The following AMMECR1L variants were observed in gnomAD, a reference collection of about 807,000 sequenced individuals.
AMMECR1L encodes the protein AMMECR1 like.
Under a neutral mutation model 36.8 loss-of-function variants are expected in AMMECR1L, and 4 were observed. That is an observed-to-expected ratio of 0.11 (90% confidence interval 0.05 to 0.25). The LOEUF is 0.25. Among genes scored for constraint, AMMECR1L ranks in the 10% least tolerant of loss-of-function variants. AMMECR1L has a pLI of 1.00. For missense variants in AMMECR1L, 232 were observed against 392.1 expected (o/e 0.59, Z 3.45); for synonymous variants, 147 against 148.0 (o/e 0.99, Z 0.05).
At chr2:127,880,545 T>C (rs1039233222) in intron 2 of AMMECR1L, among the ~76,000 whole-genome samples, 3 of 152,076 alleles carry the variant, frequency 2.0e-5, no homozygotes, top group African/African-American at 7.2e-5. Flanking sequence ...CTCCACCTGA[T>C]GTACACACTC....
intron 2 of AMMECR1L, among the ~76,000 whole-genome samples, chr2:127,876,755 C>T (rs976002385): frequency 3.3e-5 from 5 of 152,094 alleles, no homozygotes; most frequent in African/African-American, 7.2e-5. Context: ...CCCTGGCTCA[C>T]GCCTATGAAC....
chr2:127,882,945 G>C (rs1235765870), intron 2 of AMMECR1L, among the ~76,000 whole-genome samples: 1 of 138,284 alleles, frequency 7.2e-6, no homozygotes, highest in Non-Finnish European at 1.5e-5. Context: ...GTCTTGCTAT[G>C]CTGCCCAGGC....
chr2:127,877,422 G>A (rs113382589), intron 2 of AMMECR1L, among the ~76,000 whole-genome samples: 164 of 150,890 alleles, frequency 1.1e-3, no homozygotes, highest in African/African-American at 3.6e-3. Context: ...TGCAACCTCT[G>A]CCTCCCAGGT....
Position 127,869,376 on chromosome 2 carries a change from C to T in AMMECR1L, c.724+78G>A. 7.3e-7 allele frequency: 1 copy of T among 1,370,048 alleles called. No individual in the cohort carries two copies. The allele number at this position is 1,370,048 out of a possible 1,614,324, so 84.9% of individuals were successfully genotyped here. Reference sequence around the variant, plus strand: ...CAGCTGCAGTTGGGCTGCAAGATGACACACTTCACTTTCTTGCCCTTTAAC... The same window carrying T: ...CAGCTGCAGTTGGGCTGCAAGATGATACACTTCACTTTCTTGCCCTTTAAC... On this transcript the variant is annotated intron_variant, in intron 6 of 7. Coordinates refer to ENST00000272647, the MANE Select transcript of AMMECR1L (RefSeq NM_001199140.2). The surrounding 1 kb of genome is among the most constrained non-coding windows in gnomAD (Gnocchi z 4.7).
chr2:127,881,227 G>T (rs1691487129), intron 2 of AMMECR1L, among the ~76,000 whole-genome samples: 1 of 151,646 alleles, frequency 6.6e-6, no homozygotes, highest in African/African-American at 2.4e-5. Flanking sequence ...ACTACCCACT[G>T]GAGAATTTAT....
In AMMECR1L at chr2:127,883,094, ATTTCT is replaced by A. The variant is rs928905726; in HGVS notation, c.-39+1104_-39+1108del. 3.1e-5 allele frequency among the ~76,000 whole-genome samples: 4 copies of A among 130,990 alleles called. No homozygotes were observed. The South Asian group carries it at 8.6e-4, about 28-fold the overall frequency. The allele number at this position is 130,990 out of a possible 152,430, so 85.9% of individuals were successfully genotyped here. On this transcript the variant is annotated intron_variant, in intron 2 of 7. Transcript: ENST00000272647. ...TTTTTAAAAACATAAAGAACTGCAA[ATTTCT>A]TTTCTTTTTTTTTTTTTAGACAGAG...
intron 2 of AMMECR1L, among the ~76,000 whole-genome samples, chr2:127,876,388 G>C (rs954278421): frequency 6.6e-6 from 1 of 151,272 alleles, no homozygotes; most frequent in Non-Finnish European, 1.5e-5. Context: ...GGGGCGGTGC[G>C]GTGTGCGGTG....
In AMMECR1L at chr2:127,862,660, G is replaced by C. The variant is rs1407518322; in HGVS notation, c.*2434C>G. On this transcript the variant is annotated 3_prime_UTR_variant, in exon 8 of 8. Transcript: ENST00000272647. Reference sequence around the variant, plus strand: ...CCCTGACAAAGCAAGAGGAACCCAAGCATTTCCATTGCTGGACTTGTGTGG... The same window carrying C: ...CCCTGACAAAGCAAGAGGAACCCAACCATTTCCATTGCTGGACTTGTGTGG... 2 of 152,712 alleles carry C rather than the reference G, an allele frequency of 1.3e-5. No individual in the cohort carries two copies. The highest frequency in any genetic ancestry group is 6.5e-5 in the Admixed American group (1 of 15,284). The allele number at this position is 152,712 out of a possible 1,614,324, so 9.5% of individuals were successfully genotyped here.
In AMMECR1L at chr2:127,871,156, G is replaced by A. The variant is rs1007442271; in HGVS notation, c.518+93C>T. 7.3e-7 allele frequency: 1 copy of A among 1,369,300 alleles called. No homozygotes were observed. 84.8% of individuals were successfully genotyped at this position (1,369,300 alleles called of 1,614,324 possible). A position where few individuals can be genotyped will look rare whatever the true frequency, so the allele number is the denominator to read the frequency against. ...ATTTCCTGATTACCAAAAAGAGAAA[G>A]CTCAACGTACATCACTTAGAAGAAA... is the stretch of plus-strand genomic sequence containing the variant. On this transcript the variant is annotated intron_variant, in intron 4 of 7. Coordinates refer to ENST00000272647, the MANE Select transcript of AMMECR1L (RefSeq NM_001199140.2). This position sits in a 1 kb window ranked among gnomAD's most constrained non-coding sequence, Gnocchi z 4.3.
At chr2:127,867,121 C>T (rs1379839047) in intron 6 of AMMECR1L, 125 bp from the exon 7 acceptor site, 2 of 1,507,158 alleles carry the variant, frequency 1.3e-6, no homozygotes, top group Non-Finnish European at 1.8e-6. Context: ...GCAGAGGAAG[C>T]CCTGGGCACT....
In AMMECR1L at chr2:127,871,789, A is replaced by G. The variant is rs539130031; in HGVS notation, c.408-430T>C. Among the ~76,000 whole-genome samples the G allele has an allele frequency of 2.2e-3, 330 of 152,226 alleles. 2 individuals are homozygous for G. Among genetic ancestry groups the G allele is most frequent in the African/African-American group, 7.6e-3 (315 of 41,538 alleles). The stretch of plus-strand genomic sequence containing the variant: ...CACAGCCCCGTTCATCTGCAAACCC[A>G]TGTTGCTTCCATGATCATGTCTGCC... On this transcript the variant is annotated intron_variant, in intron 3 of 7. Transcript: ENST00000272647. This position sits in a 1 kb window ranked among gnomAD's most constrained non-coding sequence, Gnocchi z 4.3.
rs991428494 is a variant in AMMECR1L at position 127,863,407 on chromosome 2, G to A, written c.*1687C>T. The A allele has an allele frequency of 9.2e-5, 14 of 152,292 alleles. No homozygotes were observed. The highest frequency in any genetic ancestry group is 6.6e-4 in the Admixed American group (10 of 15,250). 9.4% of individuals were successfully genotyped at this position (152,292 alleles called of 1,614,324 possible). On this transcript the variant is annotated 3_prime_UTR_variant, in exon 8 of 8. Coordinates refer to ENST00000272647, the MANE Select transcript of AMMECR1L (RefSeq NM_001199140.2). ...CCTCTCGAGCAGCACAGGACGGTGT[G>A]GAGCAAACCCACTCACCCTTGCCCA...
At chr2:127,875,980 T>C (rs1206243200) in intron 2 of AMMECR1L, among the ~76,000 whole-genome samples, 2 of 151,774 alleles carry the variant, frequency 1.3e-5, no homozygotes, top group Non-Finnish European at 2.9e-5. Context: ...TTTGGAGATA[T>C]GGGGGTCTCA....
intron 2 of AMMECR1L, among the ~76,000 whole-genome samples, chr2:127,881,061 T>C (rs937341672): frequency 6.6e-6 from 1 of 150,940 alleles, no homozygotes; most frequent in Non-Finnish European, 1.5e-5. Context: ...CTGGTAGCTG[T>C]CATCCTTGCT....
chr2:127,863,629 G>A lies in AMMECR1L; in HGVS notation c.*1465C>T, dbSNP rs575749147. On this transcript the variant is annotated 3_prime_UTR_variant, in exon 8 of 8. Transcript: ENST00000272647. ...TAAATAAAAACATGTTCACTGGGTT[G>A]ACACCCAATCCACTTCATGAGTTCT... 1.3e-5 allele frequency: 2 copies of A among 152,792 alleles called. No individual in the cohort carries two copies. Among genetic ancestry groups the A allele is most frequent in the South Asian group, 4.1e-4 (2 of 4,826 alleles). 9.5% of individuals were successfully genotyped at this position (152,792 alleles called of 1,614,324 possible).
intron 6 of AMMECR1L, 182 bp from the exon 7 acceptor site, chr2:127,867,178 A>G (rs1360470926): frequency 2.1e-5 from 21 of 985,362 alleles, no homozygotes; most frequent in Non-Finnish European, 2.5e-5. Context: ...TCCCGTGGAG[A>G]CTCTGAGACA....
chr2:127,882,333 G>A lies in AMMECR1L; in HGVS notation c.-39+1870C>T, dbSNP rs192972215. Among the ~76,000 whole-genome samples the A allele has an allele frequency of 1.8e-3, 272 of 152,202 alleles. 1 individual carries two copies. Among genetic ancestry groups the A allele is most frequent in the African/African-American group, 6.3e-3 (262 of 41,514 alleles). The stretch of plus-strand genomic sequence containing the variant: ...GCTCAAATCAAGCTTTTCACAGAAG[G>A]GAACAAGCTGTTGTTTCCTTTGTGA... On this transcript the variant is annotated intron_variant, in intron 2 of 7. Transcript: ENST00000272647.
rs1047054432 is a variant in AMMECR1L, at chr2:127,867,245, G to A, written c.725-249C>T. The A allele has an allele frequency of 3.3e-5, 33 of 985,348 alleles. No homozygotes were observed. The Admixed American group carries it at 1.7e-3, about 51-fold the overall frequency. 61.0% of individuals were successfully genotyped at this position (985,348 alleles called of 1,614,324 possible). A position where few individuals can be genotyped will look rare whatever the true frequency, so the allele number is the denominator to read the frequency against. ...CTGTCCCCAGGCTCCCTGCTCCTGC[G>A]TCCTTCCTGTCAGATGTTACCCCAG... On this transcript the variant is annotated intron_variant, in intron 6 of 7. Transcript: ENST00000272647.
In AMMECR1L at chr2:127,865,491, C is replaced by A. The variant is rs923683967; in HGVS notation, c.822-286G>T. On this transcript the variant is annotated intron_variant, in intron 7 of 7. Coordinates refer to ENST00000272647, the MANE Select transcript of AMMECR1L (RefSeq NM_001199140.2). This position sits in a 1 kb window ranked among gnomAD's most constrained non-coding sequence, Gnocchi z 5.4. ...ATCATCAGGCTGCTCGTAAGCAATC[C>A]GCTACTGGGGTCTGGATGAAGAATT... Among the ~76,000 whole-genome samples, 1 of 151,952 alleles carries A rather than the reference C, an allele frequency of 6.6e-6. No individual in the cohort carries two copies. Among genetic ancestry groups the A allele is most frequent in the African/African-American group, 2.4e-5 (1 of 41,346 alleles).
Sources: gnomAD v4.1 joint callset for allele counts (sites outside exome capture counted in the v4.1 genomes callset) on GRCh38, gnomAD v4.1.1 for gene constraint, Gnocchi (gnomAD v3.1) non-coding constraint, MANE v1.5 for transcripts, NCBI Gene and HGNC (gene_info 2026-07-23, HGNC 2026-07-21) for gene names.